GRIK3: variants seen among roughly 807,000 people sequenced by gnomAD.
The protein encoded by GRIK3 is glutamate receptor ionotropic, kainate 3.
A neutral mutation model predicts 102.5 loss-of-function variants in GRIK3; 29 were observed. That is an observed-to-expected ratio of 0.28 (90% CI 0.21 to 0.39). GRIK3 has a LOEUF of 0.39. Among genes scored for constraint, GRIK3 ranks in the 10% least tolerant of loss-of-function variants. The probability of loss-of-function intolerance (pLI) is 1.00; values close to 1 mark genes in which losing one functional copy is unlikely to be tolerated. For missense variants in GRIK3, 908 were observed against 1,252.4 expected (o/e 0.73, Z 4.15); for synonymous variants, 511 against 504.9 (o/e 1.01, Z -0.16).
chr1:37,003,135 C>T (rs961895091), intron 1 of GRIK3, among the ~76,000 whole-genome samples: 1 of 150,972 alleles, frequency 6.6e-6, no homozygotes, highest in Non-Finnish European at 1.5e-5. Context: ...ATGTTTGGCC[C>T]GATTATAGCA....
intron 1 of GRIK3, among the ~76,000 whole-genome samples, chr1:36,956,895 G>T (rs997060277): frequency 6.6e-6 from 1 of 152,258 alleles, no homozygotes; most frequent in Non-Finnish European, 1.5e-5. Flanking sequence ...ACAGAGAGCA[G>T]TCATTCATTG....
chr1:36,887,406 T>A (rs1199414530), intron 2 of GRIK3, among the ~76,000 whole-genome samples: 2 of 152,194 alleles, frequency 1.3e-5, no homozygotes, highest in Admixed American at 1.3e-4. Flanking sequence ...GAAGCCCACA[T>A]GTAATGCATA....
At chr1:36,995,260 A>T (rs1405065821) in intron 1 of GRIK3, among the ~76,000 whole-genome samples, 1 of 152,184 alleles carries the variant, frequency 6.6e-6, no homozygotes, top group Non-Finnish European at 1.5e-5. Context: ...CATGGTGATC[A>T]TGTTCAGTCA....
At chr1:36,869,668 C>T in intron 5 of GRIK3, 80 bp downstream of exon 5, 1 of 1,092,136 alleles carries the variant, frequency 9.2e-7, no homozygotes, top group Non-Finnish European at 1.4e-6. Flanking sequence ...CTTCAGTGGG[C>T]TGGCCCAGGC....
At position 36,850,143 on chromosome 1, in the gene GRIK3, CT is replaced by C; in HGVS notation, c.1326+167del. The C allele has an allele frequency of 1.7e-6, 1 of 599,258 alleles. No individual in the cohort carries two copies. Among genetic ancestry groups the C allele is most frequent in the Non-Finnish European group, 3.0e-6 (1 of 336,008 alleles). The allele number at this position is 599,258 out of a possible 1,614,324, so 37.1% of individuals were successfully genotyped here. ...CTTCCGCCCGTGGCAGCGAGCAGCGCTGCTGCGCTCCAGCTGCTCTCTGAGA... is the reference window on the plus strand; with the variant it reads ...CTTCCGCCCGTGGCAGCGAGCAGCGCGCTGCGCTCCAGCTGCTCTCTGAGA... On this transcript the variant is annotated intron_variant, in intron 9 of 15. Coordinates refer to ENST00000373091, the MANE Select transcript of GRIK3 (RefSeq NM_000831.4). This position sits in a 1 kb window ranked among gnomAD's most constrained non-coding sequence, Gnocchi z 4.0.
intron 1 of GRIK3, among the ~76,000 whole-genome samples, chr1:37,025,145 G>T (rs2050368): frequency 6.6e-6 from 1 of 152,280 alleles, no homozygotes; most frequent in Admixed American, 6.5e-5. Context: ...TTGCAACAAA[G>T]ATTAGCATGG....
chr1:36,908,401 C>T (rs949024787), intron 1 of GRIK3, among the ~76,000 whole-genome samples: 2 of 152,188 alleles, frequency 1.3e-5, no homozygotes, highest in Admixed American at 6.5e-5. Flanking sequence ...TCCTCCTGCT[C>T]CCTCTCCCTT....
intron 9 of GRIK3, among the ~76,000 whole-genome samples, chr1:36,845,806 C>T (rs1255591403): frequency 9.2e-5 from 14 of 152,212 alleles, no homozygotes; most frequent in Non-Finnish European, 2.1e-4. Context: ...GGCCTAGAAT[C>T]GTTCCCAGCC....
chr1:37,010,301 C>T (rs1642580251), intron 1 of GRIK3, among the ~76,000 whole-genome samples: 1 of 152,148 alleles, frequency 6.6e-6, no homozygotes, highest in African/African-American at 2.4e-5. Flanking sequence ...TGTTAAGAGC[C>T]ATAGAAATGG....
At chr1:36,865,330 G>T (rs1208511291) in intron 5 of GRIK3, among the ~76,000 whole-genome samples, 1 of 152,212 alleles carries the variant, frequency 6.6e-6, no homozygotes, top group African/African-American at 2.4e-5. Context: ...CATGGAAGAA[G>T]CAAATTTGGA....
intron 11 of GRIK3, among the ~76,000 whole-genome samples, chr1:36,824,988 C>T (rs1050505611): frequency 2.6e-5 from 4 of 152,174 alleles, no homozygotes; most frequent in African/African-American, 4.8e-5. Context: ...ACTAGGTGTT[C>T]GCCAAACACT....
At chr1:36,829,574 C>T (rs1016863951) in intron 10 of GRIK3, among the ~76,000 whole-genome samples, 1 of 152,014 alleles carries the variant, frequency 6.6e-6, no homozygotes, top group African/African-American at 2.4e-5. Context: ...TCACCAAGGA[C>T]CTTTCTGTAC....
intron 3 of GRIK3, among the ~76,000 whole-genome samples, chr1:36,879,630 G>C (rs1050212957): frequency 1.3e-5 from 2 of 152,224 alleles, no homozygotes; most frequent in Admixed American, 6.5e-5. Flanking sequence ...TGAGAGGCAG[G>C]GGGTATCACA....
At chr1:36,890,730 C>G (rs1641103696) in intron 2 of GRIK3, among the ~76,000 whole-genome samples, 190 bp downstream of exon 2, 1 of 152,130 alleles carries the variant, frequency 6.6e-6, no homozygotes, top group African/African-American at 2.4e-5. Flanking sequence ...GTATTTTGTC[C>G]AAGGTCACAC....
intron 1 of GRIK3, among the ~76,000 whole-genome samples, chr1:36,921,010 A>G (rs1286665035): frequency 6.6e-6 from 1 of 152,234 alleles, no homozygotes; most frequent in East Asian, 1.9e-4. Flanking sequence ...GGAAGCCAGC[A>G]TGGAAAGCAA....
rs1477259980 is a variant in GRIK3, at chr1:36,859,074, G to A, written c.1104+34C>T. 1.9e-6 allele frequency: 3 copies of A among 1,556,184 alleles called. No homozygotes were observed. In the African/African-American group the frequency reaches 4.1e-5, roughly 21 times the overall value. On this transcript the variant is annotated intron_variant, in intron 7 of 15. Transcript: ENST00000373091. Reference sequence around the variant, plus strand: ...GCTCTACAGGGCCCACAGTCCCGGGGAGACAACACTGGTGGGGGCTGTGGG... The same window carrying A: ...GCTCTACAGGGCCCACAGTCCCGGGAAGACAACACTGGTGGGGGCTGTGGG...
chr1:36,828,992 G>T (rs964456455), intron 10 of GRIK3, among the ~76,000 whole-genome samples: 1 of 152,160 alleles, frequency 6.6e-6, no homozygotes, highest in African/African-American at 2.4e-5. Context: ...TTTTAATGGG[G>T]TCAGGAGACC....
intron 9 of GRIK3, chr1:36,849,993 A>C: frequency 3.8e-6 from 1 of 264,090 alleles, no homozygotes; most frequent in Non-Finnish European, 7.3e-6. Context: ...GGGGTGGGAG[A>C]GGCGAATCCT....
rs147811417 is a variant in GRIK3 at position 36,859,936 on chromosome 1, G to C, written c.868C>G (p.Pro290Ala). The C allele has an allele frequency of 6.2e-7, 1 of 1,613,536 alleles. No homozygotes were observed. The highest frequency in any genetic ancestry group is 1.3e-5 in the African/African-American group (1 of 74,904). ...TTCTCCACAATGGCCGAGACGTGTG[G>C]GTTGTCCACATTGAGAATCCGGAAT... ...TGFRILNVDN[P>A]HVSAIVEKWS... is the part of the protein sequence containing the mutation. Residue 290 changes from proline to alanine, a missense_variant, in exon 6 of 16, where the codon CCA (proline) becomes GCA (alanine). Pro to Ala is a conservative substitution (Grantham distance 27). This residue lies in a region of GRIK3 where 585 missense variants were observed against 824.9 expected (regional missense o/e 0.71). Coordinates refer to ENST00000373091, the MANE Select transcript of GRIK3 (RefSeq NM_000831.4).
Sources: gnomAD v4.1 joint callset for allele counts (sites outside exome capture counted in the v4.1 genomes callset) on GRCh38, gnomAD v4.1.1 for gene constraint, gnomAD v4.1.1 regional missense constraint, Gnocchi (gnomAD v3.1) non-coding constraint, MANE v1.5 for transcripts, NCBI Gene and HGNC (gene_info 2026-07-23, HGNC 2026-07-21) for gene names.